Variants in SCFD2 observed in about 807,000 individuals in gnomAD.
SCFD2 encodes sec1 family domain-containing protein 2.
A neutral mutation model predicts 58.9 loss-of-function variants in SCFD2; 54 were observed. That is an observed-to-expected ratio of 0.92 (90% confidence interval 0.74 to 1.15). The LOEUF (loss-of-function observed/expected upper bound fraction) is 1.15. Ranked by LOEUF, SCFD2 falls within the 50% of genes most tolerant of loss-of-function variation. SCFD2 has a pLI of 0.00. For missense variants in SCFD2, 805 were observed against 836.6 expected, an observed-to-expected ratio of 0.96 and a Z score of 0.47; for synonymous variants, 321 against 335.9, an observed-to-expected ratio of 0.96 and a Z score of 0.49.
chr4:52,885,783 G>T lies in SCFD2; in HGVS notation c.1926C>A (p.Val642=). The change falls in exon 8 of 9, where the codon GTC becomes GTA. Residue 642 remains valine, a synonymous_variant. Coordinates refer to ENST00000401642, the MANE Select transcript of SCFD2 (RefSeq NM_152540.4). The part of the protein sequence containing the change: ...GGVTVSEVKM[V]KDLVASLKPG... ...GCTTCAACGATGCCACAAGATCTTT[G>T]ACCATTTTCACTTCAGAGACTGTGA... The T allele has an allele frequency of 1.9e-6, 3 of 1,614,054 alleles. No homozygotes were observed. The highest frequency in any genetic ancestry group is 2.2e-5 in the South Asian group (2 of 91,028).
intron 5 of SCFD2, among the ~76,000 whole-genome samples, chr4:52,931,974 T>C (rs937738056): frequency 7.2e-5 from 11 of 152,200 alleles, no homozygotes; most frequent in African/African-American, 2.6e-4. Flanking sequence ...GCCCCAGGGC[T>C]CCCCAAAGAA....
intron 5 of SCFD2, among the ~76,000 whole-genome samples, chr4:53,127,636 C>T (rs150163936): frequency 3.9e-5 from 6 of 152,246 alleles, no homozygotes; most frequent in Non-Finnish European, 5.9e-5. Context: ...AGCTCGGAAA[C>T]GGTTAGCTGG....
intron 4 of SCFD2, among the ~76,000 whole-genome samples, chr4:53,237,931 CG>C (rs1729710780): frequency 9.3e-6 from 1 of 107,446 alleles, no homozygotes; most frequent in Non-Finnish European, 2.0e-5. Context: ...CCCTTCCGGA[CG>C]GGGCGGCTGG....
At chr4:53,179,032 C>T (rs370874452) in intron 4 of SCFD2, among the ~76,000 whole-genome samples, 9 of 152,294 alleles carry the variant, frequency 5.9e-5, no homozygotes, top group South Asian at 4.1e-4. Context: ...GATTGGTGTA[C>T]CTGAAAGTGA....
At chr4:53,073,395 CT>C (rs1228950768) in intron 5 of SCFD2, among the ~76,000 whole-genome samples, 1 of 152,092 alleles carries the variant, frequency 6.6e-6, no homozygotes. Flanking sequence ...TTTTCACTTT[CT>C]ATTGCTTGGA....
intron 5 of SCFD2, among the ~76,000 whole-genome samples, chr4:53,138,241 G>C (rs976101894): frequency 2.0e-5 from 3 of 152,086 alleles, no homozygotes. Context: ...TTTATATCAA[G>C]GTTCAAGGAT....
chr4:53,201,443 G>A (rs892373312), intron 4 of SCFD2, among the ~76,000 whole-genome samples: 1 of 152,116 alleles, frequency 6.6e-6, no homozygotes, highest in Non-Finnish European at 1.5e-5. Flanking sequence ...ATTTGGGATG[G>A]TTTCAAGTCT....
chr4:53,187,421 C>A (rs1299860681), intron 4 of SCFD2, among the ~76,000 whole-genome samples: 1 of 151,622 alleles, frequency 6.6e-6, no homozygotes, highest in Non-Finnish European at 1.5e-5. Context: ...CCATAAAAAT[C>A]TAAAAAAAGA....
intron 5 of SCFD2, among the ~76,000 whole-genome samples, chr4:53,104,570 T>C (rs1724930336): frequency 6.6e-6 from 1 of 152,208 alleles, no homozygotes; most frequent in South Asian, 2.1e-4. Flanking sequence ...CTTTAGTTAA[T>C]AATACTGTAT....
chr4:53,217,354 G>C (rs926492980), intron 4 of SCFD2, among the ~76,000 whole-genome samples: 1 of 152,180 alleles, frequency 6.6e-6, no homozygotes, highest in Non-Finnish European at 1.5e-5. Context: ...CATATGTTTA[G>C]GATAGTTAGC....
chr4:53,267,025 T>C (rs139722607), intron 4 of SCFD2, among the ~76,000 whole-genome samples: 13 of 152,224 alleles, frequency 8.5e-5, no homozygotes. Context: ...GGCTAGTTGT[T>C]AGATCACCAA....
chr4:53,073,396 T>C (rs1367248302), intron 5 of SCFD2, among the ~76,000 whole-genome samples: 1 of 152,148 alleles, frequency 6.6e-6, no homozygotes, highest in Non-Finnish European at 1.5e-5. Context: ...TTTCACTTTC[T>C]ATTGCTTGGA....
intron 5 of SCFD2, among the ~76,000 whole-genome samples, chr4:53,104,615 G>A (rs1724932193): frequency 6.6e-6 from 1 of 152,280 alleles, no homozygotes; most frequent in South Asian, 2.1e-4. Context: ...AACGTAAGAT[G>A]TAAATAATAA....
chr4:52,969,725 C>A (rs1302280986), intron 5 of SCFD2, among the ~76,000 whole-genome samples: 1 of 152,152 alleles, frequency 6.6e-6, no homozygotes, highest in Non-Finnish European at 1.5e-5. Context: ...TAAGCAGAGC[C>A]TTCTGCAAAC....
intron 4 of SCFD2, among the ~76,000 whole-genome samples, chr4:53,202,898 G>A (rs1165250822): frequency 6.6e-6 from 1 of 152,220 alleles, no homozygotes; most frequent in East Asian, 1.9e-4. Flanking sequence ...CTTTGCTGAA[G>A]TTGCCTATCA....
At chr4:52,889,148 G>A (rs751273035) in intron 7 of SCFD2, among the ~76,000 whole-genome samples, 4 of 152,040 alleles carry the variant, frequency 2.6e-5, no homozygotes, top group East Asian at 1.9e-4. Context: ...ACATTAGATC[G>A]CTGCTATAGC....
chr4:53,194,345 C>T (rs1394215606), intron 4 of SCFD2, among the ~76,000 whole-genome samples: 1 of 152,066 alleles, frequency 6.6e-6, no homozygotes, highest in South Asian at 2.1e-4. Context: ...TTGGTCAATG[C>T]TTATTCCAAT....
chr4:53,273,612 G>A (rs1288488218), intron 4 of SCFD2: 2 of 444,700 alleles, frequency 4.5e-6, no homozygotes, highest in Admixed American at 4.1e-5. Context: ...GGTATTAAAT[G>A]AGAAGCCAAA....
chr4:53,131,083 A>G (rs2148899656), intron 5 of SCFD2, among the ~76,000 whole-genome samples: 1 of 152,352 alleles, frequency 6.6e-6, no homozygotes, highest in East Asian at 1.9e-4. Context: ...TAAATCATTA[A>G]GCATAAAATG....
Sources: allele counts gnomAD v4.1 joint callset (sites outside exome capture counted in the v4.1 genomes callset), GRCh38; gene constraint gnomAD v4.1.1; transcripts MANE v1.5; gene names NCBI Gene and HGNC (gene_info 2026-07-23, HGNC 2026-07-21).